Variants in LENG8 observed in about 807,000 individuals in gnomAD.
LENG8 encodes leukocyte receptor cluster (LRC) member 8.
LENG8 carries 28 observed loss-of-function variants against 102.1 expected under a neutral mutation model. The observed-to-expected ratio is 0.27, with a 90% CI of 0.20 to 0.38. The LOEUF is 0.38. Ranked by LOEUF, LENG8 falls within the 10% of genes least tolerant of loss-of-function variation. The pLI is 1.00. For missense variants in LENG8, 1,022 were observed against 1,113.9 expected (o/e 0.92, Z 1.17); for synonymous variants, 531 against 456.7 (o/e 1.16, Z -2.07).
In LENG8 at chr19:54,450,618, CTT is replaced by C. The variant is rs750997555; in HGVS notation, c.-55-652_-55-651del. Among the ~76,000 whole-genome samples the C allele has an allele frequency of 2.8e-3, 300 of 108,788 alleles. 5 individuals carry two copies. The highest frequency in any genetic ancestry group is 0.026 in the East Asian group (89 of 3,416). 71.4% of individuals were successfully genotyped at this position (108,788 alleles called of 152,430 possible). On this transcript the variant is annotated intron_variant, in intron 1 of 15. Transcript: ENST00000326764. Reference sequence around the variant, plus strand: ...TCCTTTCACAACCCGTACTCCCTAGCTTTTTTTTTTTTTTTTTTTTTGAGACA... The same window carrying C: ...TCCTTTCACAACCCGTACTCCCTAGCTTTTTTTTTTTTTTTTTTTGAGACA...
At chr19:54,455,880 G>A (rs2084206120) in intron 8 of LENG8, 87 bp from the exon 9 acceptor site, 8 of 1,411,408 alleles carry the variant, frequency 5.7e-6, no homozygotes, top group East Asian at 2.4e-5. Context: ...CCTTTCGGAG[G>A]CGGGTCGGTA....
In LENG8 at chr19:54,460,880, C is replaced by T. The variant is rs1378792904; in HGVS notation, c.2355C>T (p.Asn785=). ...GCCTGGCCTACACGGGCCCGGACAA[C>T]TCCAGCATCGACTGCCGCCTCAGCC... ...PLGLAYTGPD[N]SSIDCRLSLA... The change falls in exon 16 of 16, where the codon AAC becomes AAT. Residue 785 remains asparagine, a synonymous_variant. Coordinates refer to ENST00000326764, the MANE Select transcript of LENG8 (RefSeq NM_052925.4). 1.3e-6 allele frequency: 2 copies of T among 1,559,014 alleles called. No individual in the cohort carries two copies. Among genetic ancestry groups the T allele is most frequent in the South Asian group, 1.2e-5 (1 of 84,732 alleles).
chr19:54,461,337 G>A lies in LENG8; in HGVS notation c.*409G>A, dbSNP rs576113259. 2.8e-5 allele frequency: 13 copies of A among 459,700 alleles called. No homozygotes were observed. The highest frequency in any genetic ancestry group is 1.2e-4 in the South Asian group (8 of 64,060). 28.5% of individuals were successfully genotyped at this position (459,700 alleles called of 1,614,324 possible). On this transcript the variant is annotated 3_prime_UTR_variant, in exon 16 of 16. Coordinates refer to ENST00000326764, the MANE Select transcript of LENG8 (RefSeq NM_052925.4). ...AAGACAGGCCGTCCAGCCCGTGCCC[G>A]CCTGCGGCGGGGGCACCCAGCAAGC...
chr19:54,458,075 C>G (rs1428780865), intron 13 of LENG8, 28 bp from the exon 14 acceptor site: 3 of 1,612,252 alleles, frequency 1.9e-6, no homozygotes, highest in Non-Finnish European at 1.7e-6. Context: ...TCACTCTGCT[C>G]TCCTCCCTCG....
At position 54,458,007 on chromosome 19, in the gene LENG8, G is replaced by A. The variant is rs760809046; in HGVS notation, c.1902+5G>A. ...GCCCGGATCGCCTTGGAGAAGGTGA[G>A]CTGGCCTCTGCGGGCCTCCCCAGCC... On this transcript the variant is annotated splice_donor_5th_base_variant and intron_variant, in intron 13 of 15. Transcript: ENST00000326764. The A allele has an allele frequency of 6.2e-7, 1 of 1,613,448 alleles. No homozygotes were observed. Among genetic ancestry groups the A allele is most frequent in the South Asian group, 1.1e-5 (1 of 91,092 alleles).
At chr19:54,458,969 A>G (rs968528732) in intron 15 of LENG8, 4 of 1,470,306 alleles carry the variant, frequency 2.7e-6, no homozygotes. Flanking sequence ...CTCCTTTGAG[A>G]GCACCAGAAA....
rs1188751169 is a variant in LENG8 at position 54,452,731 on chromosome 19, C to T, written c.294C>T (p.Pro98=). Residue 98 remains proline (P), a synonymous_variant, in exon 4 of 16, where the codon CCC becomes CCT. Transcript: ENST00000326764. ...ACCAGCAGTACAACTATGCCTACCC[C>T]TACAGCTACTACTATCCCATGGTGA... ...QWYQQYNYAY[P]YSYYYPMSMY... The T allele has an allele frequency of 1.9e-6, 3 of 1,613,298 alleles. No homozygotes were observed. The highest frequency in any genetic ancestry group is 1.3e-5 in the African/African-American group (1 of 75,034).
At position 54,458,375 on chromosome 19, in the gene LENG8, C is replaced by T. The variant is rs749470547; in HGVS notation, c.2094C>T (p.His698=). The change falls in exon 15 of 16, where the codon CAC becomes CAT. Residue 698 remains histidine, a synonymous_variant. Coordinates refer to ENST00000326764, the MANE Select transcript of LENG8 (RefSeq NM_052925.4). ...RELKADPCVA[H]ALALRTAWAL... ...TGAAGGCAGATCCTTGCGTGGCCCA[C>T]GCCTTGGCATTAAGGACAGCCTGGG... 14 of 1,614,098 alleles carry T rather than the reference C, an allele frequency of 8.7e-6. No individual in the cohort carries two copies. The highest frequency in any genetic ancestry group is 1.6e-4 in the Middle Eastern group (1 of 6,084).
chr19:54,458,159 G>T lies in LENG8; in HGVS notation c.1959G>T (p.Glu653Asp). 1 of 1,614,152 alleles carries T rather than the reference G, an allele frequency of 6.2e-7. No homozygotes were observed. Among genetic ancestry groups the T allele is most frequent in the Non-Finnish European group, 8.5e-7 (1 of 1,180,044 alleles). ...CQTQLKSLYA[E>D]NLPGNVGEFT... ...CGCAGCTCAAGTCGCTGTACGCCGA[G>T]AACTTGCCTGGCAATGTGGGCGAGT... The change falls in exon 14 of 16, where the codon GAG becomes GAT. Residue 653 changes from glutamate to aspartate, a missense_variant. Glu to Asp is a conservative substitution (Grantham distance 45). This residue lies in a region of LENG8 where 158 missense variants were observed against 229.0 expected (regional missense o/e 0.69). Coordinates refer to ENST00000326764, the MANE Select transcript of LENG8 (RefSeq NM_052925.4).
At position 54,455,046 on chromosome 19, in the gene LENG8, A is replaced by G. The variant is rs753422209; in HGVS notation, c.775A>G (p.Ser259Gly). The change falls in exon 7 of 16, where the codon AGT becomes GGT. Residue 259 changes from serine to glycine, a missense_variant. Physicochemically the swap from Ser to Gly is moderately conservative, Grantham distance 56. Transcript: ENST00000326764. ...SFGSNAEGQH[S>G]GFGPQPNPEK... is the part of the protein sequence containing the mutation. The stretch of plus-strand genomic sequence containing the variant: ...TGGCTCCAACGCAGAGGGCCAGCAC[A>G]GTGGTTTTGGCCCCCAGCCCAACCC... 1.2e-6 allele frequency: 2 copies of G among 1,614,092 alleles called. No homozygotes were observed. The highest frequency in any genetic ancestry group is 1.7e-6 in the Non-Finnish European group (2 of 1,179,990).
In LENG8 at chr19:54,454,915, G is replaced by C. The variant is rs760838603; in HGVS notation, c.680-36G>C. The C allele has an allele frequency of 3.1e-6, 5 of 1,613,458 alleles. No homozygotes were observed. The Admixed American group carries it at 6.7e-5, about 22-fold the overall frequency. ...CCCTGGGGACCCCTGGATGTGCCGG[G>C]GAAGGGCCTAACCATAGCTTTCGCT... On this transcript the variant is annotated intron_variant, in intron 6 of 15. Transcript: ENST00000326764.
In LENG8 at chr19:54,454,990, A is replaced by G. The variant is rs777921309; in HGVS notation, c.719A>G (p.Lys240Arg). The change falls in exon 7 of 16, where the codon AAG (lysine) becomes AGG (arginine). Residue 240 changes from lysine (K) to arginine (R), a missense_variant. Transcript: ENST00000326764. ...GTGGLKFNIQ[K>R]RPFAVTTQSF... ...GGAGGTCTCAAGTTCAACATCCAGA[A>G]GCGACCCTTTGCTGTTACCACCCAG... is the stretch of plus-strand genomic sequence containing the variant. 2 of 1,614,162 alleles carry G rather than the reference A, an allele frequency of 1.2e-6. No homozygotes were observed. Among genetic ancestry groups the G allele is most frequent in the East Asian group, 2.2e-5 (1 of 44,884 alleles).
chr19:54,455,770 C>T (rs1238035104), intron 8 of LENG8, among the ~76,000 whole-genome samples, 197 bp from the exon 9 acceptor site: 1 of 152,108 alleles, frequency 6.6e-6, no homozygotes, highest in Admixed American at 6.5e-5. Flanking sequence ...GAGAGGCGTG[C>T]ATTGCTCAGT....
At chr19:54,450,525 C>A (rs1370161508) in intron 1 of LENG8, among the ~76,000 whole-genome samples, 1 of 152,190 alleles carries the variant, frequency 6.6e-6, no homozygotes, top group East Asian at 1.9e-4. Flanking sequence ...GGAAACCTTT[C>A]CACCCTCTCA....
chr19:54,449,973 C>G (rs948554413), intron 1 of LENG8, among the ~76,000 whole-genome samples: 3 of 152,180 alleles, frequency 2.0e-5, no homozygotes, highest in Non-Finnish European at 4.4e-5. Flanking sequence ...TCCAGACTCC[C>G]GTTCCTATCC....
rs1274120538 is a variant in LENG8 at position 54,461,627 on chromosome 19, T to G, written c.*699T>G. ...GCCCCCAGTGTTTCTTCTGATTTTT[T>G]TTTCCCCTTTCCCTCCCTCCCTCTC... On this transcript the variant is annotated 3_prime_UTR_variant, in exon 16 of 16. Transcript: ENST00000326764. The G allele has an allele frequency of 6.3e-6, 3 of 474,146 alleles. No homozygotes were observed. Among genetic ancestry groups the G allele is most frequent in the Non-Finnish European group, 1.3e-5 (3 of 229,088 alleles). 29.4% of individuals were successfully genotyped at this position (474,146 alleles called of 1,614,324 possible). A position where few individuals can be genotyped will look rare whatever the true frequency, so the allele number is the denominator to read the frequency against.
chr19:54,456,177 C>A lies in LENG8; in HGVS notation c.1236C>A (p.Ser412Arg). Residue 412 changes from serine (S) to arginine (R), a missense_variant, in exon 9 of 16, where the codon AGC (serine) becomes AGA (arginine). Coordinates refer to ENST00000326764, the MANE Select transcript of LENG8 (RefSeq NM_052925.4). Reference protein sequence around the residue: ...GNRNVFMKDNSSSSSTDSRSR... With the variant: ...GNRNVFMKDNRSSSSTDSRSR... ...GCAACGTCTTCATGAAGGACAACAG[C>A]TCTTCTTCCAGCACAGACTCCCGCT... 6.2e-7 allele frequency: 1 copy of A among 1,611,234 alleles called. No homozygotes were observed. Among genetic ancestry groups the A allele is most frequent in the Non-Finnish European group, 8.5e-7 (1 of 1,178,238 alleles).
intron 15 of LENG8, 53 bp from the exon 16 acceptor site, chr19:54,460,713 T>TA: frequency 1.4e-6 from 2 of 1,405,782 alleles, no homozygotes. Flanking sequence ...CGTGGGGCCC[T>TA]CCCCTGCCCT....
At chr19:54,460,587 CCCCCCCGGG>C in intron 15 of LENG8, 170 bp from the exon 16 acceptor site, 1 of 1,409,832 alleles carries the variant, frequency 7.1e-7, no homozygotes, top group Non-Finnish European at 9.3e-7. Flanking sequence ...GGTCACTAAC[CCCCCCCGGG>C]CCCCCCCCGA....
Sources: allele counts gnomAD v4.1 joint callset (sites outside exome capture counted in the v4.1 genomes callset), GRCh38; gene constraint gnomAD v4.1.1; regional missense constraint gnomAD v4.1.1; transcripts MANE v1.5; gene names NCBI Gene and HGNC (gene_info 2026-07-23, HGNC 2026-07-21).